The following TTLL5 variants were observed in gnomAD, a reference collection of about 807,000 sequenced individuals.
TTLL5 encodes the protein tubulin tyrosine ligase like 5.
Under a neutral mutation model 168.4 loss-of-function variants are expected in TTLL5, and 132 were observed. That is an observed-to-expected ratio of 0.78 (90% confidence interval 0.68 to 0.91). The LOEUF is 0.91. Ranked by LOEUF, TTLL5 falls within the 40% of genes least tolerant of loss-of-function variation. The pLI, the probability that TTLL5 is intolerant of heterozygous loss-of-function variation, is 0.00. For synonymous variants in TTLL5, 546 were observed against 558.6 expected (o/e 0.98, Z 0.32); for missense variants, 1,545 against 1,581.5 (o/e 0.98, Z 0.39).
chr14:75,707,177 T>C (rs1345523747), intron 8 of TTLL5, 90 bp downstream of exon 8: 3 of 1,006,442 alleles, frequency 3.0e-6, no homozygotes, highest in East Asian at 2.5e-5. Context: ...AAGTCTTTAT[T>C]ATACTGTTGT....
intron 28 of TTLL5, among the ~76,000 whole-genome samples, chr14:75,857,782 A>G (rs1897209615): frequency 1.3e-5 from 2 of 151,696 alleles, no homozygotes; most frequent in South Asian, 4.2e-4. Flanking sequence ...CTCCTGAGTA[A>G]CTGGAATTAC....
chr14:75,896,028 A>AT (rs1211685223), intron 30 of TTLL5, among the ~76,000 whole-genome samples: 1 of 152,222 alleles, frequency 6.6e-6, no homozygotes, highest in East Asian at 1.9e-4. Flanking sequence ...GGAATAGATA[A>AT]TATGCAGTAT....
At chr14:75,737,381 A>AT (rs1404665167) in intron 15 of TTLL5, among the ~76,000 whole-genome samples, 1 of 152,212 alleles carries the variant, frequency 6.6e-6, no homozygotes, top group South Asian at 2.1e-4. Flanking sequence ...TATATATGGC[A>AT]TAGGAGAAAG....
chr14:75,725,943 A>G (rs562049775), intron 12 of TTLL5, among the ~76,000 whole-genome samples: 81 of 152,296 alleles, frequency 5.3e-4, no homozygotes, highest in African/African-American at 1.9e-3. Flanking sequence ...TCTGGACCCC[A>G]TATAAAGACT....
chr14:75,767,778 AG>A (rs1385814919), intron 20 of TTLL5, among the ~76,000 whole-genome samples: 1 of 152,172 alleles, frequency 6.6e-6, no homozygotes, highest in African/African-American at 2.4e-5. Context: ...AACTAAAGGC[AG>A]GGGGGTGAGT....
At chr14:75,790,580 C>T (rs1192694965) in intron 26 of TTLL5, among the ~76,000 whole-genome samples, 5 of 151,460 alleles carry the variant, frequency 3.3e-5, no homozygotes, top group African/African-American at 1.2e-4. Flanking sequence ...TTAAGCAATC[C>T]TCACACCTCA....
At chr14:75,715,307 T>C (rs1219149718) in intron 9 of TTLL5, among the ~76,000 whole-genome samples, 4 of 149,220 alleles carry the variant, frequency 2.7e-5, no homozygotes, top group Non-Finnish European at 4.4e-5. Context: ...ATCTTCCTCA[T>C]GTGGGCCCTG....
chr14:75,669,795 G>A (rs1883577579), intron 3 of TTLL5, among the ~76,000 whole-genome samples: 1 of 151,562 alleles, frequency 6.6e-6, no homozygotes, highest in Non-Finnish European at 1.5e-5. Flanking sequence ...ATTTTAGAGT[G>A]TACAAGTCGT....
At chr14:75,710,727 C>T (rs895284503) in intron 9 of TTLL5, 2 of 152,176 alleles carry the variant, frequency 1.3e-5, no homozygotes, top group Non-Finnish European at 2.9e-5. Flanking sequence ...TTGTTGTAAC[C>T]CTCAGAGTCT....
rs972121010 is a variant in TTLL5, at chr14:75,930,749, A to T, written c.3824-23675A>T. On this transcript the variant is annotated intron_variant, in intron 31 of 31. Coordinates refer to ENST00000298832, the MANE Select transcript of TTLL5 (RefSeq NM_015072.5). Reference sequence around the variant, plus strand: ...TCACCTGGTATAAATATTGAGGCTAAGATTAAGTTCTAAGATCAACCTTAG... The same window carrying T: ...TCACCTGGTATAAATATTGAGGCTATGATTAAGTTCTAAGATCAACCTTAG... 7.3e-5 allele frequency: 42 copies of T among 575,722 alleles called. No homozygotes were observed. In the African/African-American group the frequency reaches 7.9e-4, roughly 11 times the overall value. The allele number at this position is 575,722 out of a possible 1,614,324, so 35.7% of individuals were successfully genotyped here.
intron 23 of TTLL5, 52 bp from the exon 24 acceptor site, chr14:75,779,523 A>T: frequency 6.3e-7 from 1 of 1,583,380 alleles, no homozygotes; most frequent in Non-Finnish European, 8.5e-7. Context: ...TCTGGTGGAA[A>T]GATTTTCCAG....
chr14:75,669,103 C>T (rs1300301570), intron 2 of TTLL5, among the ~76,000 whole-genome samples: 1 of 152,216 alleles, frequency 6.6e-6, no homozygotes, highest in Non-Finnish European at 1.5e-5. Context: ...TGCTTTCTCA[C>T]AGAGTCCAGA....
chr14:75,762,026 G>A (rs78299271), intron 18 of TTLL5, among the ~76,000 whole-genome samples: 1 of 152,122 alleles, frequency 6.6e-6, no homozygotes, highest in Admixed American at 6.5e-5. Flanking sequence ...AATGTTAATT[G>A]TAGAAACTAG....
intron 7 of TTLL5, among the ~76,000 whole-genome samples, chr14:75,705,713 T>G (rs1886604090): frequency 6.6e-6 from 1 of 152,212 alleles, no homozygotes; most frequent in Non-Finnish European, 1.5e-5. Context: ...AAATTTTGTG[T>G]CTGCAAATGT....
chr14:75,856,546 G>T (rs1897135938), intron 28 of TTLL5, among the ~76,000 whole-genome samples: 1 of 151,428 alleles, frequency 6.6e-6, no homozygotes, highest in African/African-American at 2.4e-5. Flanking sequence ...TATAAATTCA[G>T]TGTAGTGACC....
At chr14:75,760,298 A>C (rs1252444518) in intron 18 of TTLL5, among the ~76,000 whole-genome samples, 1 of 152,144 alleles carries the variant, frequency 6.6e-6, no homozygotes, top group Non-Finnish European at 1.5e-5. Context: ...TTCAATACCT[A>C]TACAGTAAAA....
chr14:75,753,794 A>G (rs981231453), intron 18 of TTLL5, among the ~76,000 whole-genome samples: 1 of 151,858 alleles, frequency 6.6e-6, no homozygotes, highest in East Asian at 1.9e-4. Flanking sequence ...TATGTATAAA[A>G]CCTGTGGGTT....
At chr14:75,910,923 T>C (rs1348269097) in intron 31 of TTLL5, among the ~76,000 whole-genome samples, 2 of 152,272 alleles carry the variant, frequency 1.3e-5, no homozygotes, top group Non-Finnish European at 2.9e-5. Context: ...AACATGCAGG[T>C]ATTTCCAGTT....
chr14:75,703,368 T>C (rs1886419731), intron 7 of TTLL5, among the ~76,000 whole-genome samples: 1 of 152,198 alleles, frequency 6.6e-6, no homozygotes, highest in South Asian at 2.1e-4. Flanking sequence ...AGATAAAGGA[T>C]AGCAAAAGCA....
Sources: allele counts gnomAD v4.1 joint callset (sites outside exome capture counted in the v4.1 genomes callset), GRCh38; gene constraint gnomAD v4.1.1; transcripts MANE v1.5; gene names NCBI Gene and HGNC (gene_info 2026-07-23, HGNC 2026-07-21).